The following FBXL17 variants were observed in gnomAD, a reference collection of about 807,000 sequenced individuals.
FBXL17 encodes the protein F-box and leucine rich repeat protein 17.
In FBXL17, 22 loss-of-function variants were observed where a neutral mutation model predicts 66.2. The observed-to-expected ratio is 0.33, with a 90% CI of 0.24 to 0.47. The LOEUF (loss-of-function observed/expected upper bound fraction) is 0.47. Among genes scored for constraint, FBXL17 ranks in the 20% least tolerant of loss-of-function variants. FBXL17 has a pLI of 1.00. For missense variants in FBXL17, 878 were observed against 948.2 expected (o/e 0.93, Z 0.97); for synonymous variants, 474 against 400.5 (o/e 1.18, Z -2.19).
chr5:107,935,345 T>G (rs1166583508), intron 7 of FBXL17, among the ~76,000 whole-genome samples: 1 of 151,846 alleles, frequency 6.6e-6, no homozygotes, highest in African/African-American at 2.4e-5. Flanking sequence ...AGAAAACAAA[T>G]GAAACAATGC....
At chr5:108,373,421 A>G (rs1035637052) in intron 1 of FBXL17, among the ~76,000 whole-genome samples, 1 of 147,494 alleles carries the variant, frequency 6.8e-6, no homozygotes, top group Non-Finnish European at 1.5e-5. Context: ...ATTTATTTAT[A>G]TAATGTGAGA....
chr5:108,038,694 T>TA (rs2112798607), intron 6 of FBXL17, among the ~76,000 whole-genome samples: 1 of 152,182 alleles, frequency 6.6e-6, no homozygotes, highest in Admixed American at 6.5e-5. Flanking sequence ...TCTATAAAAC[T>TA]ACATTGAATG....
At chr5:108,280,603 A>G (rs1757661804) in intron 4 of FBXL17, among the ~76,000 whole-genome samples, 2 of 151,952 alleles carry the variant, frequency 1.3e-5, no homozygotes, top group Admixed American at 1.3e-4. Flanking sequence ...TAACAAATAC[A>G]GAAAAAAAAA....
At chr5:108,246,541 C>T (rs1330393053) in intron 4 of FBXL17, among the ~76,000 whole-genome samples, 2 of 152,152 alleles carry the variant, frequency 1.3e-5, no homozygotes, top group Non-Finnish European at 2.9e-5. Flanking sequence ...ACAGTTTCTA[C>T]AACTTCAGAT....
chr5:107,953,065 G>C (rs1394112451), intron 7 of FBXL17, among the ~76,000 whole-genome samples: 1 of 149,238 alleles, frequency 6.7e-6, no homozygotes, highest in Non-Finnish European at 1.5e-5. Flanking sequence ...GCATGTTAAA[G>C]GTACAAGGAA....
chr5:108,105,575 A>G (rs1749763291), intron 6 of FBXL17, among the ~76,000 whole-genome samples: 1 of 152,242 alleles, frequency 6.6e-6, no homozygotes, highest in Admixed American at 6.5e-5. Flanking sequence ...AAAACTGTGG[A>G]AAAACAATTT....
chr5:108,373,442 T>C (rs1435423583), intron 1 of FBXL17, among the ~76,000 whole-genome samples: 1 of 147,910 alleles, frequency 6.8e-6, no homozygotes, highest in Non-Finnish European at 1.5e-5. Context: ...ATTATATGTA[T>C]ATATGAGAAG....
At chr5:108,334,110 C>T (rs1431384161) in intron 4 of FBXL17, among the ~76,000 whole-genome samples, 5 of 152,058 alleles carry the variant, frequency 3.3e-5, no homozygotes, top group African/African-American at 1.2e-4. Flanking sequence ...AGAATGAGTA[C>T]ATTTTAATAT....
At chr5:107,884,436 T>G (rs1350258524) in intron 7 of FBXL17, among the ~76,000 whole-genome samples, 1 of 152,344 alleles carries the variant, frequency 6.6e-6, no homozygotes, top group East Asian at 1.9e-4. Context: ...CCAGTGCTTA[T>G]TCTGTTGCAA....
At chr5:108,152,055 G>A (rs1338573825) in intron 6 of FBXL17, among the ~76,000 whole-genome samples, 1 of 152,110 alleles carries the variant, frequency 6.6e-6, no homozygotes, top group Non-Finnish European at 1.5e-5. Flanking sequence ...AATCGCTGGT[G>A]AACCTGAATA....
At chr5:108,354,859 T>C (rs967239375) in intron 3 of FBXL17, among the ~76,000 whole-genome samples, 7 of 151,142 alleles carry the variant, frequency 4.6e-5, no homozygotes, top group African/African-American at 1.5e-4. Context: ...AAGAAGAAAG[T>C]AGAGTGAAAT....
intron 6 of FBXL17, among the ~76,000 whole-genome samples, chr5:108,066,653 T>C (rs1366956726): frequency 6.6e-6 from 1 of 152,010 alleles, no homozygotes; most frequent in Non-Finnish European, 1.5e-5. Context: ...TTTCATAATG[T>C]ATCATTTTAG....
intron 6 of FBXL17, among the ~76,000 whole-genome samples, chr5:108,075,775 C>T (rs1391725745): frequency 1.3e-5 from 2 of 152,192 alleles, no homozygotes; most frequent in African/African-American, 4.8e-5. Context: ...CCGCATCTGA[C>T]CCCAACTGTC....
rs185519127 is a variant in FBXL17, at chr5:107,983,974, A to G, written c.1822+36951T>C. On this transcript the variant is annotated intron_variant, in intron 7 of 8. Coordinates refer to ENST00000542267, the MANE Select transcript of FBXL17 (RefSeq NM_001163315.3). Reference sequence around the variant, plus strand: ...ATAATTGACGCCCAGAAAACAAAAGAAAAAAAAAGAAAATGGGGTCGCCAA... The same window carrying G: ...ATAATTGACGCCCAGAAAACAAAAGGAAAAAAAAGAAAATGGGGTCGCCAA... Among the ~76,000 whole-genome samples, 39 of 150,342 alleles carry G rather than the reference A, an allele frequency of 2.6e-4. 1 individual carries two copies. The highest frequency in any genetic ancestry group is 2.4e-3 in the Admixed American group (36 of 15,176).
At chr5:108,061,018 G>A (rs1209177972) in intron 6 of FBXL17, among the ~76,000 whole-genome samples, 3 of 152,068 alleles carry the variant, frequency 2.0e-5, no homozygotes, top group Admixed American at 2.0e-4. Flanking sequence ...CAGGCATGGT[G>A]GCTCATGCCT....
intron 7 of FBXL17, among the ~76,000 whole-genome samples, chr5:107,971,133 C>A (rs145883607): frequency 6.6e-6 from 1 of 152,252 alleles, no homozygotes; most frequent in East Asian, 1.9e-4. Context: ...ATTACATTTG[C>A]TTACCGTTTC....
chr5:107,896,519 C>T (rs1749388350), intron 7 of FBXL17, among the ~76,000 whole-genome samples: 1 of 152,172 alleles, frequency 6.6e-6, no homozygotes, highest in South Asian at 2.1e-4. Flanking sequence ...AGCAGTACAT[C>T]TCTCAGTAAA....
At chr5:107,924,238 C>T (rs193143401) in intron 7 of FBXL17, among the ~76,000 whole-genome samples, 1 of 152,040 alleles carries the variant, frequency 6.6e-6, no homozygotes, top group East Asian at 1.9e-4. Flanking sequence ...TTGCAGCCTT[C>T]ACCAAGAAAT....
chr5:108,154,285 C>T (rs1353267182), intron 6 of FBXL17, among the ~76,000 whole-genome samples: 3 of 88,316 alleles, frequency 3.4e-5, no homozygotes, highest in East Asian at 4.8e-4. Context: ...AGGATCACAG[C>T]TGAAAAAAAA....
Sources: gnomAD v4.1 joint callset for allele counts (sites outside exome capture counted in the v4.1 genomes callset) on GRCh38, gnomAD v4.1.1 for gene constraint, MANE v1.5 for transcripts, NCBI Gene and HGNC (gene_info 2026-07-23, HGNC 2026-07-21) for gene names.